Variants in KLF12 observed in about 807,000 individuals in gnomAD.
KLF12 encodes the protein KLF transcription factor 12.
KLF12 carries 9 observed loss-of-function variants against 37.8 expected under a neutral mutation model. The observed-to-expected ratio is 0.24, with a 90% confidence interval of 0.14 to 0.42. The LOEUF is 0.42. KLF12 is among the 10% of genes least tolerant of loss of function. The pLI is 1.00. For missense variants in KLF12, 411 were observed against 516.0 expected (o/e 0.80, Z 1.97); for synonymous variants, 208 against 202.1 (o/e 1.03, Z -0.25).
At chr13:73,991,672 G>C (rs1291710697) in intron 2 of KLF12, among the ~76,000 whole-genome samples, 1 of 152,166 alleles carries the variant, frequency 6.6e-6, no homozygotes, top group Non-Finnish European at 1.5e-5. Flanking sequence ...CAGAGCTAAG[G>C]CCTGCCTCTT....
chr13:74,054,049 G>A (rs777726805), intron 1 of KLF12, among the ~76,000 whole-genome samples: 1 of 152,116 alleles, frequency 6.6e-6, no homozygotes, highest in Non-Finnish European at 1.5e-5. Flanking sequence ...ACATTTGCAT[G>A]TATTTCATCA....
chr13:74,236,143 G>A, the KLF12 span, among the ~76,000 whole-genome samples: 1 of 145,940 alleles, frequency 6.9e-6, no homozygotes, highest in Non-Finnish European at 1.5e-5. Flanking sequence ...CCCTTCCTGT[G>A]TCCATGTGTT....
At chr13:74,260,478 C>T in the KLF12 span, among the ~76,000 whole-genome samples, 3 of 151,330 alleles carry the variant, frequency 2.0e-5, no homozygotes, top group Admixed American at 2.0e-4. Flanking sequence ...CGCCTGAGTC[C>T]AGGAGTTCGA....
chr13:73,926,758 G>T (rs925997141), intron 3 of KLF12, among the ~76,000 whole-genome samples: 4 of 151,800 alleles, frequency 2.6e-5, no homozygotes, highest in Non-Finnish European at 4.4e-5. Context: ...TTAAGCACAC[G>T]TAGTTTCTCT....
At chr13:74,000,803 A>G (rs1330351730) in intron 1 of KLF12, among the ~76,000 whole-genome samples, 2 of 152,194 alleles carry the variant, frequency 1.3e-5, no homozygotes, top group African/African-American at 4.8e-5. Context: ...CAGAGAACAA[A>G]TAAGTCTTTA....
chr13:73,946,101 C>T (rs1309636329), intron 2 of KLF12, among the ~76,000 whole-genome samples: 1 of 152,142 alleles, frequency 6.6e-6, no homozygotes, highest in Non-Finnish European at 1.5e-5. Context: ...TCTAGGAATC[C>T]ACCTTAACAA....
At chr13:74,174,325 T>G in the KLF12 span, among the ~76,000 whole-genome samples, 3 of 150,538 alleles carry the variant, frequency 2.0e-5, no homozygotes, top group South Asian at 6.3e-4. Flanking sequence ...TTTTTTTCTT[T>G]CTTTCTTTTC....
At chr13:73,846,484 T>C in intron 3 of KLF12, 111 bp from the exon 4 acceptor site, 1 of 969,674 alleles carries the variant, frequency 1.0e-6, no homozygotes, top group Admixed American at 2.8e-5. Flanking sequence ...CTATGGGACA[T>C]TTATTCGTTC....
intron 1 of KLF12, among the ~76,000 whole-genome samples, chr13:74,109,631 T>A (rs781759079): frequency 6.6e-6 from 1 of 152,168 alleles, no homozygotes; most frequent in Non-Finnish European, 1.5e-5. Context: ...AAGCATTTGA[T>A]AAAATTGTAA....
chr13:74,204,066 C>T, the KLF12 span, among the ~76,000 whole-genome samples: 1 of 152,128 alleles, frequency 6.6e-6, no homozygotes, highest in African/African-American at 2.4e-5. Context: ...CAGTGCCTTC[C>T]TCTCTTCCAT....
the KLF12 span, among the ~76,000 whole-genome samples, chr13:74,215,658 G>T: frequency 2.0e-5 from 3 of 152,148 alleles, no homozygotes; most frequent in African/African-American, 7.2e-5. Context: ...TTTTGTTGCA[G>T]AACTCGTACC....
At chr13:73,697,990 A>G (rs1048881052) in intron 7 of KLF12, among the ~76,000 whole-genome samples, 12 of 152,008 alleles carry the variant, frequency 7.9e-5, no homozygotes, top group Admixed American at 3.3e-4. Context: ...CTGTCTCTCC[A>G]GAAAATTTTT....
chr13:74,224,209 T>C, the KLF12 span, among the ~76,000 whole-genome samples: 589 of 152,296 alleles, frequency 3.9e-3, 3 homozygotes, highest in Middle Eastern at 0.01. Flanking sequence ...AACATTTCTA[T>C]TGATCATCTG....
At chr13:73,926,671 A>G (rs1593737766) in intron 3 of KLF12, among the ~76,000 whole-genome samples, 1 of 151,614 alleles carries the variant, frequency 6.6e-6, no homozygotes, top group East Asian at 1.9e-4. Flanking sequence ...AACCAAAGGT[A>G]GAACTTACTT....
intron 2 of KLF12, among the ~76,000 whole-genome samples, chr13:73,982,967 GA>G (rs1006241032): frequency 1.3e-4 from 19 of 148,498 alleles, no homozygotes; most frequent in African/African-American, 4.2e-4. Flanking sequence ...AAAAAAAAAA[GA>G]AAAAAAAGTA....
intron 3 of KLF12, among the ~76,000 whole-genome samples, chr13:73,942,893 C>T (rs2139362474): frequency 6.6e-6 from 1 of 152,286 alleles, no homozygotes; most frequent in South Asian, 2.1e-4. Context: ...AGATGCCACA[C>T]AGCCTGCTAT....
intron 1 of KLF12, among the ~76,000 whole-genome samples, chr13:74,011,070 C>T (rs1287442800): frequency 6.6e-6 from 1 of 152,078 alleles, no homozygotes; most frequent in Non-Finnish European, 1.5e-5. Flanking sequence ...TATCAGTGAT[C>T]TTATTCCCTT....
At position 73,693,283 on chromosome 13, in the gene KLF12, A is replaced by G. The variant is rs1331655074; in HGVS notation, c.*2207T>C. The stretch of plus-strand genomic sequence containing the variant: ...TTTCTATTCTGAATGGTCACAGGCA[A>G]TGTGAAGTAGGAGTTGCATATAGTA... On this transcript the variant is annotated 3_prime_UTR_variant, in exon 8 of 8. Coordinates refer to ENST00000377669, the MANE Select transcript of KLF12 (RefSeq NM_007249.5). The G allele has an allele frequency of 1.3e-5, 2 of 152,160 alleles. No homozygotes were observed. Among genetic ancestry groups the G allele is most frequent in the African/African-American group, 4.8e-5 (2 of 41,432 alleles). 9.4% of individuals were successfully genotyped at this position (152,160 alleles called of 1,614,324 possible). A position where few individuals can be genotyped will look rare whatever the true frequency, so the allele number is the denominator to read the frequency against.
In KLF12 at chr13:73,968,930, C is replaced by T. The variant is rs551138181; in HGVS notation, c.34-24860G>A. Among the ~76,000 whole-genome samples, 609 of 152,016 alleles carry T rather than the reference C, an allele frequency of 4.0e-3. 3 individuals carry two copies. Among genetic ancestry groups the T allele is most frequent in the Non-Finnish European group, 7.1e-3 (483 of 68,016 alleles). ...CACCTCTCCCCTGAGTTCTGGATCT[C>T]TATTCCCTATCATAACCTCCGTTTG... On this transcript the variant is annotated intron_variant, in intron 2 of 7. Coordinates refer to ENST00000377669, the MANE Select transcript of KLF12 (RefSeq NM_007249.5).
Sources: allele counts gnomAD v4.1 joint callset (sites outside exome capture counted in the v4.1 genomes callset), GRCh38; gene constraint gnomAD v4.1.1; transcripts MANE v1.5; gene names NCBI Gene and HGNC (gene_info 2026-07-23, HGNC 2026-07-21).